The following DOCK3 variants were observed in gnomAD, a reference collection of about 807,000 sequenced individuals.
DOCK3 encodes the protein dedicator of cytokinesis protein 3.
In DOCK3, 60 loss-of-function variants were observed where a neutral mutation model predicts 265.6. The observed-to-expected ratio is 0.23, with a 90% confidence interval of 0.18 to 0.28. The LOEUF is 0.28. DOCK3 is among the 10% of genes least tolerant of loss of function. The probability of loss-of-function intolerance (pLI) is 1.00; values close to 1 mark genes in which losing one functional copy is unlikely to be tolerated. For missense variants in DOCK3, 1,981 were observed against 2,594.3 expected (o/e 0.76, Z 5.14); for synonymous variants, 881 against 938.0 (o/e 0.94, Z 1.11).
At chr3:50,877,377 G>C (rs1029991122) in intron 3 of DOCK3, 33 of 512,994 alleles carry the variant, frequency 6.4e-5, no homozygotes, top group Admixed American at 6.3e-4. Flanking sequence ...TCATAATCCA[G>C]TTATGGTCAG....
chr3:51,377,541 G>A (rs2088238831), intron 51 of DOCK3, among the ~76,000 whole-genome samples: 1 of 152,210 alleles, frequency 6.6e-6, no homozygotes, highest in Non-Finnish European at 1.5e-5. Flanking sequence ...AGTTGTTAAT[G>A]GTGAGGGAGG....
intron 24 of DOCK3, among the ~76,000 whole-genome samples, chr3:51,272,443 A>ATTTTTTTTTTT (rs11371306): frequency 7.5e-6 from 1 of 132,690 alleles, no homozygotes; most frequent in African/African-American, 2.8e-5. Context: ...TGCCTGGCTA[A>ATTTTTTTTTTT]TTTTTTTTTT....
intron 9 of DOCK3, among the ~76,000 whole-genome samples, chr3:51,119,049 A>T (rs2083896310): frequency 1.3e-5 from 2 of 152,098 alleles, no homozygotes; most frequent in Non-Finnish European, 2.9e-5. Context: ...CCATTAGTTG[A>T]TGCAGTTTCT....
intron 27 of DOCK3, among the ~76,000 whole-genome samples, chr3:51,295,249 C>G (rs923538306): frequency 2.6e-5 from 4 of 152,224 alleles, no homozygotes; most frequent in Admixed American, 6.5e-5. Flanking sequence ...CAGGCTGCTT[C>G]CACTCATGGC....
At chr3:50,987,267 A>T (rs890151341) in intron 5 of DOCK3, among the ~76,000 whole-genome samples, 2 of 152,230 alleles carry the variant, frequency 1.3e-5, no homozygotes, top group African/African-American at 4.8e-5. Context: ...AATTCTGTTC[A>T]TAAAGAATAC....
intron 19 of DOCK3, 54 bp downstream of exon 19, chr3:51,229,663 G>A (rs899131009): frequency 2.8e-5 from 38 of 1,341,738 alleles, no homozygotes; most frequent in Admixed American, 8.1e-5. Flanking sequence ...CTGGGCAGAA[G>A]ACCTTACTTT....
chr3:50,824,379 G>T (rs2044638223), intron 2 of DOCK3, among the ~76,000 whole-genome samples: 1 of 152,164 alleles, frequency 6.6e-6, no homozygotes, highest in Non-Finnish European at 1.5e-5. Context: ...GGTTTGTATT[G>T]ATATGTTTTT....
At chr3:50,791,044 C>T (rs1032223411) in intron 2 of DOCK3, among the ~76,000 whole-genome samples, 1 of 151,944 alleles carries the variant, frequency 6.6e-6, no homozygotes, top group Non-Finnish European at 1.5e-5. Context: ...CAAAATTTTT[C>T]TCCCATTCTG....
intron 1 of DOCK3, among the ~76,000 whole-genome samples, chr3:50,689,362 G>T (rs1417262736): frequency 6.6e-6 from 1 of 152,178 alleles, no homozygotes; most frequent in Non-Finnish European, 1.5e-5. Context: ...GAGGCCTCAG[G>T]AAACTTACAA....
chr3:51,194,201 T>TTA (rs1197305817), intron 12 of DOCK3, among the ~76,000 whole-genome samples: 1 of 152,156 alleles, frequency 6.6e-6, no homozygotes, highest in Non-Finnish European at 1.5e-5. Flanking sequence ...TTCTATGTAT[T>TTA]TATGTAGTTT....
At chr3:51,288,930 A>C (rs1187089451) in intron 27 of DOCK3, among the ~76,000 whole-genome samples, 1 of 149,900 alleles carries the variant, frequency 6.7e-6, no homozygotes, top group Non-Finnish European at 1.5e-5. Context: ...GTGTGTGCCC[A>C]TGTGTGTGTA....
intron 9 of DOCK3, among the ~76,000 whole-genome samples, chr3:51,108,125 A>G (rs6809524): frequency 0.9 from 136,760 of 151,742 alleles, 61,821 homozygotes; most frequent in African/African-American, 0.95. Context: ...TGCAACCTCC[A>G]CCTCCTGGGT....
chr3:51,017,610 G>C (rs961096077), intron 5 of DOCK3, among the ~76,000 whole-genome samples: 1 of 151,578 alleles, frequency 6.6e-6, no homozygotes, highest in Non-Finnish European at 1.5e-5. Context: ...CCTCTTCATT[G>C]ACTCACTTTT....
At chr3:51,238,577 T>G (rs2078452388) in intron 21 of DOCK3, among the ~76,000 whole-genome samples, 1 of 152,096 alleles carries the variant, frequency 6.6e-6, no homozygotes, top group African/African-American at 2.4e-5. Flanking sequence ...CTAGTACCCA[T>G]TAGTTATTTT....
intron 5 of DOCK3, among the ~76,000 whole-genome samples, chr3:50,969,340 C>T (rs1212179854): frequency 6.6e-6 from 1 of 152,106 alleles, no homozygotes; most frequent in Admixed American, 6.6e-5. Context: ...TCCCTTTCCA[C>T]CCCTTTACAT....
chr3:51,304,565 A>G (rs2082544570), intron 27 of DOCK3, among the ~76,000 whole-genome samples: 1 of 152,200 alleles, frequency 6.6e-6, no homozygotes, highest in Admixed American at 6.5e-5. Flanking sequence ...GAATCTGCAC[A>G]GCTGTGTGCT....
intron 10 of DOCK3, among the ~76,000 whole-genome samples, chr3:51,152,424 G>T (rs1430653909): frequency 2.0e-5 from 3 of 152,108 alleles, no homozygotes; most frequent in Non-Finnish European, 4.4e-5. Flanking sequence ...TAGCTTCTTT[G>T]AGATGGGTTT....
intron 9 of DOCK3, among the ~76,000 whole-genome samples, chr3:51,130,480 G>A (rs1046536740): frequency 6.6e-6 from 1 of 152,202 alleles, no homozygotes; most frequent in Non-Finnish European, 1.5e-5. Context: ...ATTTGCTCAA[G>A]CAATGAAACC....
rs1431100903 is a variant in DOCK3 at position 51,383,342 on chromosome 3, A to C, written c.*1783A>C. On this transcript the variant is annotated 3_prime_UTR_variant, in exon 53 of 53. Coordinates refer to ENST00000266037, the MANE Select transcript of DOCK3 (RefSeq NM_004947.5). ...AGGCTGCTGAGGATATGGGTCAGTT[A>C]CAGCAGCCCTCACCTCAAAGGGCTG... 6.6e-6 allele frequency: 1 copy of C among 152,592 alleles called. No homozygotes were observed. Among genetic ancestry groups the C allele is most frequent in the Non-Finnish European group, 1.5e-5 (1 of 68,056 alleles). The allele number at this position is 152,592 out of a possible 1,614,324, so 9.5% of individuals were successfully genotyped here. A position where few individuals can be genotyped will look rare whatever the true frequency, so the allele number is the denominator to read the frequency against.
Sources: allele counts gnomAD v4.1 joint callset (sites outside exome capture counted in the v4.1 genomes callset), GRCh38; gene constraint gnomAD v4.1.1; transcripts MANE v1.5; gene names NCBI Gene and HGNC (gene_info 2026-07-23, HGNC 2026-07-21).